Variants in ST6GALNAC1 observed in about 807,000 individuals in gnomAD.
The protein encoded by ST6GALNAC1 is ST6 N-acetylgalactosaminide alpha-2,6-sialyltransferase 1, also known as alpha-N-acetylgalactosaminide alpha-2,6-sialyltransferase 1.
In ST6GALNAC1, 45 loss-of-function variants were observed where a neutral mutation model predicts 56.8. That is an observed-to-expected ratio of 0.79 (90% CI 0.62 to 1.02). The LOEUF (loss-of-function observed/expected upper bound fraction) is 1.02. ST6GALNAC1 is among the 50% of genes least tolerant of loss of function. The pLI is 0.00. For missense variants in ST6GALNAC1, 743 were observed against 754.8 expected (o/e 0.98, Z 0.18); for synonymous variants, 295 against 297.8 (o/e 0.99, Z 0.10).
At chr17:76,628,695 C>T (rs1222331021) in intron 2 of ST6GALNAC1, among the ~76,000 whole-genome samples, 2 of 152,204 alleles carry the variant, frequency 1.3e-5, no homozygotes, top group Non-Finnish European at 2.9e-5. Flanking sequence ...GAGTAGATCA[C>T]ACTCTGTCAC....
intron 8 of ST6GALNAC1, 42 bp downstream of exon 8, chr17:76,625,770 CCCAGGAG>C: frequency 7.0e-7 from 1 of 1,426,226 alleles, no homozygotes. Context: ...CCAGGAATAG[CCCAGGAG>C]CTGTTTCTCC....
At chr17:76,641,600 C>A (rs2076048832) in intron 1 of ST6GALNAC1, among the ~76,000 whole-genome samples, 1 of 152,142 alleles carries the variant, frequency 6.6e-6, no homozygotes, top group African/African-American at 2.4e-5. Flanking sequence ...TAATGAAAGC[C>A]AGTGTGGTCC....
chr17:76,642,046 A>G (rs1205417604), intron 1 of ST6GALNAC1: 1 of 151,052 alleles, frequency 6.6e-6, no homozygotes, highest in African/African-American at 2.4e-5. Flanking sequence ...TATACAATAT[A>G]TCTATATATA....
In ST6GALNAC1 at chr17:76,627,673, C is replaced by G; in HGVS notation, c.832-90G>C. On this transcript the variant is annotated intron_variant, in intron 2 of 8. Transcript: ENST00000156626. This position sits in a 1 kb window ranked among gnomAD's most constrained non-coding sequence, Gnocchi z 4.4. ...CCACTGCAGCAAGGGCTGGGGCTCG[C>G]AGTTTGGAAGGCGCGGCCTCTGCTA... 1 of 1,311,130 alleles carries G rather than the reference C, an allele frequency of 7.6e-7. No individual in the cohort carries two copies. The highest frequency in any genetic ancestry group is 2.0e-5 in the Admixed American group (1 of 49,174). 81.2% of individuals were successfully genotyped at this position (1,311,130 alleles called of 1,614,324 possible). A position where few individuals can be genotyped will look rare whatever the true frequency, so the allele number is the denominator to read the frequency against.
chr17:76,632,481 G>A (rs1043051591), intron 1 of ST6GALNAC1, among the ~76,000 whole-genome samples: 2 of 152,062 alleles, frequency 1.3e-5, no homozygotes, highest in Middle Eastern at 3.2e-3. Context: ...AGTGACTCCT[G>A]GAAGGCCTAT....
At chr17:76,632,071 C>T (rs975230534) in intron 1 of ST6GALNAC1, among the ~76,000 whole-genome samples, 1 of 152,018 alleles carries the variant, frequency 6.6e-6, no homozygotes, top group Non-Finnish European at 1.5e-5. Context: ...CTCACGTGGG[C>T]CATTCAGCAA....
intron 1 of ST6GALNAC1, among the ~76,000 whole-genome samples, chr17:76,643,097 GA>G (rs1216212604): frequency 6.6e-6 from 1 of 152,204 alleles, no homozygotes; most frequent in Non-Finnish European, 1.5e-5. Flanking sequence ...GTCCGGGTCT[GA>G]AACAAGTGGA....
chr17:76,639,298 C>T (rs59641760), intron 1 of ST6GALNAC1, among the ~76,000 whole-genome samples: 48 of 152,238 alleles, frequency 3.2e-4, no homozygotes, highest in South Asian at 2.3e-3. Flanking sequence ...CAATGCCGGC[C>T]GGGTGCGGTG....
chr17:76,627,338 AC>A lies in ST6GALNAC1; in HGVS notation c.1000+76del. ...CTGGCAAACCCCAGGGAAGAGGCAGACCAGAAAGCCAGCTGCCCTCTGCCCT... is the reference window on the plus strand; with the variant it reads ...CTGGCAAACCCCAGGGAAGAGGCAGACAGAAAGCCAGCTGCCCTCTGCCCT... On this transcript the variant is annotated intron_variant, in intron 3 of 8. Transcript: ENST00000156626. The surrounding 1 kb of genome is among the most constrained non-coding windows in gnomAD (Gnocchi z 4.4). The A allele has an allele frequency of 6.3e-7, 1 of 1,582,408 alleles. No homozygotes were observed. The highest frequency in any genetic ancestry group is 8.6e-7 in the Non-Finnish European group (1 of 1,163,434).
chr17:76,627,589 T>A lies in ST6GALNAC1; in HGVS notation c.832-6A>T, dbSNP rs114992721. 6.8e-6 allele frequency: 11 copies of A among 1,613,470 alleles called. No individual in the cohort carries two copies. Among genetic ancestry groups the A allele is most frequent in the Non-Finnish European group, 8.5e-6 (10 of 1,179,724 alleles). On this transcript the variant is annotated splice_region_variant and splice_polypyrimidine_tract_variant and intron_variant, in intron 2 of 8. Coordinates refer to ENST00000156626, the MANE Select transcript of ST6GALNAC1 (RefSeq NM_018414.5). This position sits in a 1 kb window ranked among gnomAD's most constrained non-coding sequence, Gnocchi z 4.4. Reference sequence around the variant, plus strand: ...TTCACAGAGTCAGGGCAAGTCTATATACAGGAGGACGAAGTCAGGAAGGGA... The same window carrying A: ...TTCACAGAGTCAGGGCAAGTCTATAAACAGGAGGACGAAGTCAGGAAGGGA...
chr17:76,631,921 G>C (rs2075907839), intron 1 of ST6GALNAC1, among the ~76,000 whole-genome samples: 1 of 152,126 alleles, frequency 6.6e-6, no homozygotes, highest in Non-Finnish European at 1.5e-5. Flanking sequence ...ACTCAACACA[G>C]AGTGAGAAAC....
chr17:76,630,881 G>A (rs765699243), intron 1 of ST6GALNAC1, among the ~76,000 whole-genome samples: 15 of 147,216 alleles, frequency 1.0e-4, no homozygotes, highest in East Asian at 8.0e-4. Context: ...GTGAGCCACC[G>A]CGCCCAATTT....
Position 76,630,022 on chromosome 17 carries a change from G to A in ST6GALNAC1, c.132-311C>T, listed in dbSNP as rs148708128. ...TGGTCTTGAACTCCTGACCTGCCCA[G>A]TGATCCACCTGCCTCGGCCTCCCAA... On this transcript the variant is annotated intron_variant, in intron 1 of 8. Transcript: ENST00000156626. Among the ~76,000 whole-genome samples the A allele has an allele frequency of 2.8e-3, 431 of 152,162 alleles. 1 individual carries two copies. Among genetic ancestry groups the A allele is most frequent in the African/African-American group, 0.01 (416 of 41,510 alleles).
rs562788453 is a variant in ST6GALNAC1, at chr17:76,637,932, C to T, written c.131+5576G>A. On this transcript the variant is annotated intron_variant, in intron 1 of 8. Transcript: ENST00000156626. ...CTGGAAGCCAGTGCCCAGGTTCAAG[C>T]GATTCTTGTGCCTCAACCCCCTGAG... Among the ~76,000 whole-genome samples, 9 of 152,122 alleles carry T rather than the reference C, an allele frequency of 5.9e-5. No individual in the cohort carries two copies. In the South Asian group the frequency reaches 1.7e-3, roughly 28 times the overall value.
In ST6GALNAC1 at chr17:76,627,171, G is replaced by A. The variant is rs749836818; in HGVS notation, c.1068C>T (p.Pro356=). The part of the protein sequence containing the change: ...PQQQLLLASL[P]AGSLRCITCA... ...AGGTGATGCACCGGAGGCTCCCAGC[G>A]GGGAGGCTGGCCAGGAGCAGCTGCT... The change falls in exon 4 of 9, where the codon CCC becomes CCT. Residue 356 remains proline, a synonymous_variant. Coordinates refer to ENST00000156626, the MANE Select transcript of ST6GALNAC1 (RefSeq NM_018414.5). The surrounding 1 kb of genome is among the most constrained non-coding windows in gnomAD (Gnocchi z 4.4). The A allele has an allele frequency of 8.1e-6, 13 of 1,603,614 alleles. No homozygotes were observed. The highest frequency in any genetic ancestry group is 7.8e-5 in the South Asian group (7 of 89,640).
Position 76,624,942 on chromosome 17 carries a change from C to T in ST6GALNAC1, c.*388G>A. The T allele has an allele frequency of 4.1e-6, 1 of 246,864 alleles. No homozygotes were observed. The highest frequency in any genetic ancestry group is 7.9e-6 in the Non-Finnish European group (1 of 126,694). The allele number at this position is 246,864 out of a possible 1,614,324, so 15.3% of individuals were successfully genotyped here. On this transcript the variant is annotated 3_prime_UTR_variant, in exon 9 of 9. Coordinates refer to ENST00000156626, the MANE Select transcript of ST6GALNAC1 (RefSeq NM_018414.5). Reference sequence around the variant, plus strand: ...AATCTGTAGTGAAGTTAAGTAATACCTTCAAGATTTCACAACTGTAAACTC... The same window carrying T: ...AATCTGTAGTGAAGTTAAGTAATACTTTCAAGATTTCACAACTGTAAACTC...
downstream of ST6GALNAC1, among the ~76,000 whole-genome samples, chr17:76,622,610 A>G (rs1181233614): frequency 6.6e-6 from 1 of 151,692 alleles, no homozygotes; most frequent in Non-Finnish European, 1.5e-5. Context: ...TGATCGGCCC[A>G]CCTTGGCCTC....
chr17:76,617,674 G>C, the ST6GALNAC1 span, among the ~76,000 whole-genome samples: 1 of 152,152 alleles, frequency 6.6e-6, no homozygotes, highest in Non-Finnish European at 1.5e-5. Flanking sequence ...GGGAGGCTGA[G>C]GTGAGAGGGT....
At position 76,626,006 on chromosome 17, in the gene ST6GALNAC1, C is replaced by T. The variant is rs1242777737; in HGVS notation, c.1505G>A (p.Arg502Lys). 2 of 1,614,110 alleles carry T rather than the reference C, an allele frequency of 1.2e-6. No individual in the cohort carries two copies. The highest frequency in any genetic ancestry group is 1.7e-6 in the Non-Finnish European group (2 of 1,179,974). ...HPDFLRYMKN[R>K]FLRSKTLDGA... ...CGTGTCACGTGCTTTCTGCTCTAACCTGTTCTTCATGTATCGGAGAAAGTC... is the reference window on the plus strand; with the variant it reads ...CGTGTCACGTGCTTTCTGCTCTAACTTGTTCTTCATGTATCGGAGAAAGTC... Residue 502 changes from arginine to lysine, a missense_variant and splice_region_variant, in exon 7 of 9, where the codon AGG (arginine) becomes AAG (lysine). By Grantham distance (26) the Arg-to-Lys change is conservative (BLOSUM62 2). Coordinates refer to ENST00000156626, the MANE Select transcript of ST6GALNAC1 (RefSeq NM_018414.5).
Sources: gnomAD v4.1 joint callset for allele counts (sites outside exome capture counted in the v4.1 genomes callset) on GRCh38, gnomAD v4.1.1 for gene constraint, Gnocchi (gnomAD v3.1) non-coding constraint, MANE v1.5 for transcripts, NCBI Gene and HGNC (gene_info 2026-07-23, HGNC 2026-07-21) for gene names.